The following IMMP1L variants were observed in gnomAD, a reference collection of about 807,000 sequenced individuals.
The protein encoded by IMMP1L is mitochondrial inner membrane protease subunit 1.
IMMP1L carries 24 observed loss-of-function variants against 21.8 expected under a neutral mutation model. The observed-to-expected ratio is 1.10, with a 90% confidence interval of 0.80 to 1.55. The LOEUF (loss-of-function observed/expected upper bound fraction) is 1.55, where lower values mean the gene tolerates loss of function less well. IMMP1L is among the 40% of genes most tolerant of loss of function. The probability of loss-of-function intolerance (pLI) is 0.00; values close to 1 mark genes in which losing one functional copy is unlikely to be tolerated. For missense variants in IMMP1L, 195 were observed against 200.7 expected, an observed-to-expected ratio of 0.97 and a Z score of 0.17; for synonymous variants, 46 against 62.8, an observed-to-expected ratio of 0.73 and a Z score of 1.26.
intron 1 of IMMP1L, among the ~76,000 whole-genome samples, chr11:31,499,938 T>TTAAATAAATAAA (rs34485904): frequency 0.029 from 4,005 of 140,168 alleles, 71 homozygotes; most frequent in Middle Eastern, 0.058. Context: ...GGCTAACTTC[T>TTAAATAAATAAA]TAAATAAATA....
chr11:31,494,975 T>C (rs1384173721), intron 1 of IMMP1L, among the ~76,000 whole-genome samples: 2 of 152,182 alleles, frequency 1.3e-5, no homozygotes. Context: ...CTCTGTTTCC[T>C]CTTGAATACT....
In IMMP1L at chr11:31,433,466, G is replaced by C. The variant is rs1018852066; in HGVS notation, c.426C>G (p.Phe142Leu). 2 of 1,554,106 alleles carry C rather than the reference G, an allele frequency of 1.3e-6. No homozygotes were observed. Among genetic ancestry groups the C allele is most frequent in the Non-Finnish European group, 1.8e-6 (2 of 1,141,096 alleles). Residue 142 changes from phenylalanine to leucine, a missense_variant, in exon 5 of 6, where the codon TTC becomes TTG. Physicochemically the swap from Phe to Leu is conservative, Grantham distance 22 (BLOSUM62 0). Coordinates refer to ENST00000532287, the MANE Select transcript of IMMP1L (RefSeq NM_001304274.2). ...TTTAAGCAGAAAATGGTACCTTAAA[G>C]AAGATTCGTCCTCTTATTAGTCCAT... ...IPYGLIRGRI[F>L]FKIWPLSDFG... is the part of the protein sequence containing the mutation.
chr11:31,475,707 A>G (rs995412594), intron 1 of IMMP1L, among the ~76,000 whole-genome samples: 1 of 152,078 alleles, frequency 6.6e-6, no homozygotes, highest in African/African-American at 2.4e-5. Context: ...CAAATTTCTT[A>G]TAAGTTATCA....
intron 1 of IMMP1L, among the ~76,000 whole-genome samples, chr11:31,493,608 A>G (rs1592035319): frequency 6.6e-6 from 1 of 152,206 alleles, no homozygotes; most frequent in African/African-American, 2.4e-5. Context: ...CTAAAATCTT[A>G]GCTCATTCCA....
chr11:31,474,117 G>GA (rs948612125), intron 1 of IMMP1L, among the ~76,000 whole-genome samples: 4 of 152,120 alleles, frequency 2.6e-5, no homozygotes, highest in African/African-American at 4.8e-5. Flanking sequence ...ATTTGGGCAA[G>GA]AAAAAATAGT....
chr11:31,484,586 A>G (rs896675786), intron 1 of IMMP1L, among the ~76,000 whole-genome samples: 1 of 151,916 alleles, frequency 6.6e-6, no homozygotes, highest in African/African-American at 2.4e-5. Context: ...ACTCCTATAC[A>G]TATGTTATTT....
At chr11:31,435,550 A>G (rs983891624) in intron 4 of IMMP1L, among the ~76,000 whole-genome samples, 26 of 152,220 alleles carry the variant, frequency 1.7e-4, no homozygotes, top group Admixed American at 1.5e-3. Flanking sequence ...TTTTGCACCA[A>G]TCTAATAGAT....
chr11:31,482,061 A>G (rs914525900), intron 1 of IMMP1L, among the ~76,000 whole-genome samples: 1 of 152,098 alleles, frequency 6.6e-6, no homozygotes. Flanking sequence ...GTAGTACATT[A>G]AAACTGCACA....
intron 1 of IMMP1L, among the ~76,000 whole-genome samples, chr11:31,504,685 T>G (rs1955727482): frequency 6.6e-6 from 1 of 152,152 alleles, no homozygotes; most frequent in Non-Finnish European, 1.5e-5. Context: ...TTATAATACA[T>G]TTATATAATA....
In IMMP1L at chr11:31,435,994, TTTGA is replaced by T. The variant is rs1410212357; in HGVS notation, c.322-2428_322-2425del. On this transcript the variant is annotated intron_variant, in intron 4 of 5. Coordinates refer to ENST00000532287, the MANE Select transcript of IMMP1L (RefSeq NM_001304274.2). ...TTGGTAATATTTTTCTGTGCATTTA[TTTGA>T]TTGTTGGCAGTGTCAAATATTATTC... Among the ~76,000 whole-genome samples the T allele has an allele frequency of 4.0e-4, 61 of 152,052 alleles. 1 individual carries two copies. The highest frequency in any genetic ancestry group is 8.3e-4 in the South Asian group (4 of 4,834).
At position 31,443,522 on chromosome 11, in the gene IMMP1L, CCTAA is replaced by C. The variant is rs534509639; in HGVS notation, c.322-9956_322-9953del. Among the ~76,000 whole-genome samples the C allele has an allele frequency of 3.7e-4, 57 of 152,280 alleles. No individual in the cohort carries two copies. In the East Asian group the frequency reaches 0.011, roughly 28 times the overall value. ...TTATTTTCATTGTCATTCTCCTCGC[CCTAA>C]CTACTTGCCCACATTCTGTCTACCT... On this transcript the variant is annotated intron_variant, in intron 4 of 5. Transcript: ENST00000532287.
intron 1 of IMMP1L, among the ~76,000 whole-genome samples, chr11:31,502,136 G>A (rs1332880456): frequency 6.6e-6 from 1 of 152,098 alleles, no homozygotes; most frequent in African/African-American, 2.4e-5. Flanking sequence ...TACTACAAAT[G>A]AGAAACTAAA....
chr11:31,469,945 G>A (rs543115768), intron 1 of IMMP1L: 1 of 152,176 alleles, frequency 6.6e-6, no homozygotes, highest in East Asian at 1.9e-4. Context: ...CATTTTTAAA[G>A]TATGAAAATC....
Position 31,456,254 on chromosome 11 carries a change from A to C in IMMP1L, c.321+6T>G. ...CCAAAAATAACATAATTGAAATGTT[A>C]CTTACATAACTATGGCTTTTAAAGA... On this transcript the variant is annotated splice_donor_region_variant and intron_variant, in intron 4 of 5. Coordinates refer to ENST00000532287, the MANE Select transcript of IMMP1L (RefSeq NM_001304274.2). The C allele has an allele frequency of 1.3e-6, 2 of 1,576,284 alleles. No individual in the cohort carries two copies. The highest frequency in any genetic ancestry group is 1.7e-6 in the Non-Finnish European group (2 of 1,155,378).
At chr11:31,445,179 A>C (rs576465633) in intron 4 of IMMP1L, among the ~76,000 whole-genome samples, 1 of 152,356 alleles carries the variant, frequency 6.6e-6, no homozygotes, top group African/African-American at 2.4e-5. Context: ...AGACTGTAGT[A>C]GAAAATGGTG....
chr11:31,460,013 T>C (rs1263600639), intron 3 of IMMP1L, among the ~76,000 whole-genome samples: 1 of 151,774 alleles, frequency 6.6e-6, no homozygotes, highest in Non-Finnish European at 1.5e-5. Flanking sequence ...AAAAATTATC[T>C]GGGCGCGGCG....
At chr11:31,438,682 G>A (rs898110407) in intron 4 of IMMP1L, among the ~76,000 whole-genome samples, 1 of 152,132 alleles carries the variant, frequency 6.6e-6, no homozygotes, top group African/African-American at 2.4e-5. Context: ...TGTGCATGAT[G>A]TGAAGTATTT....
intron 1 of IMMP1L, among the ~76,000 whole-genome samples, chr11:31,483,589 T>C (rs373439808): frequency 2.0e-5 from 3 of 152,134 alleles, no homozygotes; most frequent in East Asian, 3.9e-4. Flanking sequence ...AAGTAACTGA[T>C]ACTGCTATTA....
intron 1 of IMMP1L, among the ~76,000 whole-genome samples, chr11:31,471,037 C>G (rs1040554701): frequency 6.6e-6 from 1 of 152,150 alleles, no homozygotes; most frequent in Non-Finnish European, 1.5e-5. Flanking sequence ...GAAATAAGTT[C>G]TACTGTTCTA....
Sources: allele counts gnomAD v4.1 joint callset (sites outside exome capture counted in the v4.1 genomes callset), GRCh38; gene constraint gnomAD v4.1.1; transcripts MANE v1.5; gene names NCBI Gene and HGNC (gene_info 2026-07-23, HGNC 2026-07-21).